DOCK10: variants seen among roughly 807,000 people sequenced by gnomAD.
DOCK10 encodes the protein dedicator of cytokinesis 10.
A neutral mutation model predicts 280.1 loss-of-function variants in DOCK10; 145 were observed. The observed-to-expected ratio is 0.52, with a 90% CI of 0.45 to 0.59. The LOEUF (loss-of-function observed/expected upper bound fraction) is 0.59. Ranked by LOEUF, DOCK10 falls within the 20% of genes least tolerant of loss-of-function variation. DOCK10 has a pLI of 0.00. For synonymous variants in DOCK10, 915 were observed against 942.2 expected (o/e 0.97, Z 0.53); for missense variants, 2,368 against 2,651.7 (o/e 0.89, Z 2.35).
chr2:224,809,863 A>T (rs907815550), intron 31 of DOCK10, among the ~76,000 whole-genome samples: 6 of 152,056 alleles, frequency 3.9e-5, no homozygotes, highest in African/African-American at 1.4e-4. Flanking sequence ...AAGAATTCAG[A>T]TCATTATGTT....
chr2:224,819,365 A>T, intron 29 of DOCK10, 81 bp downstream of exon 29: 1 of 891,694 alleles, frequency 1.1e-6, no homozygotes, highest in Non-Finnish European at 1.7e-6. Context: ...GAATGGACTT[A>T]AGCAGGTATC....
chr2:224,989,102 G>A (rs900139619), intron 1 of DOCK10, among the ~76,000 whole-genome samples: 3 of 152,194 alleles, frequency 2.0e-5, no homozygotes, highest in Non-Finnish European at 2.9e-5. Context: ...ATTCATTGGA[G>A]GCTGATCCTG....
At chr2:225,013,414 G>A (rs1048391358) in intron 1 of DOCK10, among the ~76,000 whole-genome samples, 2 of 152,160 alleles carry the variant, frequency 1.3e-5, no homozygotes, top group African/African-American at 2.4e-5. Context: ...CACAGTATCC[G>A]AAAGTACTAT....
At chr2:224,961,446 C>CTTTCTTTCTT (rs1488425238) in intron 1 of DOCK10, among the ~76,000 whole-genome samples, 1 of 130,640 alleles carries the variant, frequency 7.7e-6, no homozygotes, top group African/African-American at 2.8e-5. Flanking sequence ...TTCTTTCTTT[C>CTTTCTTTCTT]TTTCTTTCTT....
At position 224,946,923 on chromosome 2, in the gene DOCK10, C is replaced by T. The variant is rs73993935; in HGVS notation, c.124-15255G>A. 1.2e-3 allele frequency: 1,786 copies of T among 1,541,964 alleles called. 18 individuals carry two copies. In the African/African-American group the frequency reaches 0.022, roughly 19 times the overall value. Reference sequence around the variant, plus strand: ...CTTCTTCCAAAATTCACTGGGCTCCCGTTTAAAAACCTTCCCTCGAAAACT... The same window carrying T: ...CTTCTTCCAAAATTCACTGGGCTCCTGTTTAAAAACCTTCCCTCGAAAACT... On this transcript the variant is annotated intron_variant, in intron 1 of 55. Coordinates refer to ENST00000258390, the MANE Select transcript of DOCK10 (RefSeq NM_014689.3).
chr2:224,782,273 A>G (rs1691402925), intron 50 of DOCK10, among the ~76,000 whole-genome samples: 1 of 152,154 alleles, frequency 6.6e-6, no homozygotes, highest in Non-Finnish European at 1.5e-5. Flanking sequence ...CCTGAGATGC[A>G]AGTACACCCA....
chr2:224,790,554 C>T (rs1692107664), intron 47 of DOCK10, among the ~76,000 whole-genome samples: 2 of 152,034 alleles, frequency 1.3e-5, no homozygotes, highest in Non-Finnish European at 2.9e-5. Context: ...TGATCACTCC[C>T]CAAACATGCT....
chr2:225,015,434 G>A (rs1312368759), intron 1 of DOCK10, among the ~76,000 whole-genome samples: 6 of 152,262 alleles, frequency 3.9e-5, no homozygotes, highest in East Asian at 3.9e-4. Context: ...TCTTTGGAAC[G>A]TTGATCTGAC....
chr2:224,771,569 A>G (rs1280948245), intron 53 of DOCK10, among the ~76,000 whole-genome samples: 2 of 152,226 alleles, frequency 1.3e-5, no homozygotes, highest in Non-Finnish European at 2.9e-5. Context: ...TCACTTGTGC[A>G]GGAGTTCATA....
At chr2:225,001,289 C>CTTTTTTTTT (rs141808105) in intron 1 of DOCK10, among the ~76,000 whole-genome samples, 2 of 128,280 alleles carry the variant, frequency 1.6e-5, no homozygotes, top group African/African-American at 3.3e-5. Flanking sequence ...TACAACAGAC[C>CTTTTTTTTT]TTTTTTTTTT....
In DOCK10 at chr2:224,805,030, G is replaced by A. The variant is rs1693296306; in HGVS notation, c.4118+28C>T. On this transcript the variant is annotated intron_variant, in intron 37 of 55. Transcript: ENST00000258390. The surrounding 1 kb of genome is among the most constrained non-coding windows in gnomAD (Gnocchi z 4.3). Reference sequence around the variant, plus strand: ...ACTATTTAGAAATTTCCAGAAAAAAGTGTTAAGTCATCAACTCTAAAACTT... The same window carrying A: ...ACTATTTAGAAATTTCCAGAAAAAAATGTTAAGTCATCAACTCTAAAACTT... 6.4e-7 allele frequency: 1 copy of A among 1,571,360 alleles called. No homozygotes were observed. The highest frequency in any genetic ancestry group is 8.6e-7 in the Non-Finnish European group (1 of 1,160,000).
At chr2:224,804,720 TA>T in intron 38 of DOCK10, 73 bp downstream of exon 38, 1 of 995,882 alleles carries the variant, frequency 1.0e-6, no homozygotes, top group Non-Finnish European at 1.5e-6. Context: ...TTTGTAACTC[TA>T]ACCTGACACA....
chr2:224,895,771 C>T (rs57679305), intron 4 of DOCK10, among the ~76,000 whole-genome samples: 26,622 of 150,918 alleles, frequency 0.18, 3,852 homozygotes, highest in African/African-American at 0.41. Context: ...GGCTTATGTT[C>T]CTGAGAGTCA....
At chr2:224,812,416 A>G (rs1693842982) in intron 31 of DOCK10, among the ~76,000 whole-genome samples, 1 of 152,208 alleles carries the variant, frequency 6.6e-6, no homozygotes, top group South Asian at 2.1e-4. Flanking sequence ...TAGATACACA[A>G]TCATGTCAAC....
chr2:225,039,498 G>A lies in DOCK10; in HGVS notation c.123+2754C>T, dbSNP rs149964714. Among the ~76,000 whole-genome samples, 627 of 151,514 alleles carry A rather than the reference G, an allele frequency of 4.1e-3. 7 individuals are homozygous for A. Among genetic ancestry groups the A allele is most frequent in the African/African-American group, 0.014 (592 of 41,526 alleles). On this transcript the variant is annotated intron_variant, in intron 1 of 55. Coordinates refer to ENST00000258390, the MANE Select transcript of DOCK10 (RefSeq NM_014689.3). ...AGAATAAGGTGGTTCGTGTCTAGGAGTCTGCAAGTACATAAGCCTACTACA... is the reference window on the plus strand; with the variant it reads ...AGAATAAGGTGGTTCGTGTCTAGGAATCTGCAAGTACATAAGCCTACTACA...
rs1348466333 is a variant in DOCK10 at position 224,970,820 on chromosome 2, T to C, written c.124-39152A>G. Among the ~76,000 whole-genome samples, 1 of 152,228 alleles carries C rather than the reference T, an allele frequency of 6.6e-6. No individual in the cohort carries two copies. Among genetic ancestry groups the C allele is most frequent in the East Asian group, 1.9e-4 (1 of 5,204 alleles). On this transcript the variant is annotated intron_variant, in intron 1 of 55. Coordinates refer to ENST00000258390, the MANE Select transcript of DOCK10 (RefSeq NM_014689.3). The surrounding 1 kb of genome is among the most constrained non-coding windows in gnomAD (Gnocchi z 4.6). ...TCATCTCCAAATGGATTTATTCCTC[T>C]AAGATAACCAGAAACTGGATAGGAT...
chr2:224,793,867 G>C (rs1692374875), intron 45 of DOCK10, among the ~76,000 whole-genome samples: 1 of 151,896 alleles, frequency 6.6e-6, no homozygotes, highest in Admixed American at 6.6e-5. Flanking sequence ...TCCTGGAATA[G>C]CCCCTCTGAA....
chr2:224,966,736 G>C (rs1164002031), intron 1 of DOCK10, among the ~76,000 whole-genome samples: 1 of 152,134 alleles, frequency 6.6e-6, no homozygotes, highest in Non-Finnish European at 1.5e-5. Flanking sequence ...AGAGTAATGG[G>C]CTACATATTA....
chr2:224,947,072 G>A, intron 1 of DOCK10: 1 of 1,389,518 alleles, frequency 7.2e-7, no homozygotes, highest in Non-Finnish European at 9.3e-7. Flanking sequence ...AAATGCTCAT[G>A]CTACATGAAT....
Sources: allele counts gnomAD v4.1 joint callset (sites outside exome capture counted in the v4.1 genomes callset), GRCh38; gene constraint gnomAD v4.1.1; non-coding constraint Gnocchi (gnomAD v3.1); transcripts MANE v1.5; gene names NCBI Gene and HGNC (gene_info 2026-07-23, HGNC 2026-07-21).